The following TMEM87B variants were observed in gnomAD, a reference collection of about 807,000 sequenced individuals.
TMEM87B encodes the protein transmembrane protein 87B.
A neutral mutation model predicts 80.3 loss-of-function variants in TMEM87B; 83 were observed. That is an observed-to-expected ratio of 1.03 (90% confidence interval 0.87 to 1.24). The LOEUF (loss-of-function observed/expected upper bound fraction) is 1.24, where lower values mean the gene tolerates loss of function less well. Among genes scored for constraint, TMEM87B ranks in the 50% most tolerant of loss-of-function variants. The probability of loss-of-function intolerance (pLI) is 0.00; values close to 1 mark genes in which losing one functional copy is unlikely to be tolerated. For missense variants in TMEM87B, 625 were observed against 674.4 expected (o/e 0.93, Z 0.81); for synonymous variants, 219 against 230.5 (o/e 0.95, Z 0.45).
At chr2:112,097,493 G>A (rs1185505903) in intron 13 of TMEM87B, among the ~76,000 whole-genome samples, 6 of 152,010 alleles carry the variant, frequency 3.9e-5, no homozygotes, top group Non-Finnish European at 5.9e-5. Context: ...CTGGGAGGCC[G>A]AGGCAGGCGG....
At chr2:112,099,532 A>G (rs1426415457) in intron 14 of TMEM87B, among the ~76,000 whole-genome samples, 1 of 84,656 alleles carries the variant, frequency 1.2e-5, no homozygotes. Flanking sequence ...ATACATATAT[A>G]TATATATATA....
chr2:112,098,647 T>A lies in TMEM87B; in HGVS notation c.1325T>A (p.Leu442His). ...GCATTTTGGAGCTTCCTTTTTTCGC[T>A]TATCCTTATTGTAATCATGTTTTTG... ...DDAFWSFLFSLILIVIMFLWR... is the reference protein window; with the variant it reads ...DDAFWSFLFSHILIVIMFLWR... Residue 442 changes from leucine to histidine, a missense_variant, in exon 14 of 19, where the codon CTT becomes CAT. Physicochemically the swap from Leu to His is moderately conservative, Grantham distance 99 (BLOSUM62 -3). Coordinates refer to ENST00000283206, the MANE Select transcript of TMEM87B (RefSeq NM_032824.3). The A allele has an allele frequency of 1.2e-6, 2 of 1,614,166 alleles. No homozygotes were observed. The highest frequency in any genetic ancestry group is 1.7e-6 in the Non-Finnish European group (2 of 1,180,022).
intron 6 of TMEM87B, among the ~76,000 whole-genome samples, chr2:112,079,721 T>C (rs2104473809): frequency 6.6e-6 from 1 of 152,296 alleles, no homozygotes; most frequent in Middle Eastern, 3.4e-3. Flanking sequence ...AATTGACATT[T>C]TCACAAAGCA....
chr2:112,058,131 T>G (rs114441177), intron 1 of TMEM87B, among the ~76,000 whole-genome samples: 1,903 of 152,304 alleles, frequency 0.012, 47 homozygotes, highest in African/African-American at 0.044. Flanking sequence ...TCGGCCTCAG[T>G]CTTAAAAGAT....
At chr2:112,105,956 ATAT>A (rs754273095) in intron 15 of TMEM87B, 43 bp from the exon 16 acceptor site, 11 of 1,338,886 alleles carry the variant, frequency 8.2e-6, no homozygotes, top group Non-Finnish European at 1.1e-5. Flanking sequence ...CTAAAGGAAA[ATAT>A]TATTTTGTGA....
At chr2:112,064,921 T>C (rs12469847) in intron 3 of TMEM87B, among the ~76,000 whole-genome samples, 107,265 of 151,970 alleles carry the variant, frequency 0.71, 38,163 homozygotes, top group East Asian at 0.91. Flanking sequence ...TATGTATATA[T>C]CTATACATAT....
At chr2:112,094,781 A>G (rs1679407671) in intron 11 of TMEM87B, among the ~76,000 whole-genome samples, 2 of 152,224 alleles carry the variant, frequency 1.3e-5, no homozygotes, top group Admixed American at 1.3e-4. Context: ...TGGTGAGACA[A>G]AGGAAGTCTA....
intron 4 of TMEM87B, among the ~76,000 whole-genome samples, chr2:112,070,868 C>T (rs541392386): frequency 6.6e-6 from 1 of 150,476 alleles, no homozygotes; most frequent in African/African-American, 2.4e-5. Context: ...GTCACCCAGG[C>T]TGGAGTGTAG....
chr2:112,100,733 A>G (rs1241860775), intron 15 of TMEM87B, 38 bp downstream of exon 15: 3 of 1,302,130 alleles, frequency 2.3e-6, no homozygotes, highest in Admixed American at 1.8e-5. Context: ...ACCATTGTAC[A>G]TATTGCAACA....
chr2:112,091,196 C>T (rs111857316), intron 10 of TMEM87B, among the ~76,000 whole-genome samples: 1,780 of 151,228 alleles, frequency 0.012, 17 homozygotes, highest in Non-Finnish European at 0.019. Context: ...GCTGAGATTG[C>T]GCCATTGCAC....
intron 9 of TMEM87B, among the ~76,000 whole-genome samples, chr2:112,086,849 C>T (rs550388861): frequency 1.3e-5 from 2 of 152,232 alleles, no homozygotes; most frequent in East Asian, 3.9e-4. Flanking sequence ...ACCTCACCTC[C>T]CCACCTCTCC....
intron 8 of TMEM87B, among the ~76,000 whole-genome samples, chr2:112,084,197 A>G (rs1310051131): frequency 6.6e-6 from 1 of 152,126 alleles, no homozygotes; most frequent in East Asian, 1.9e-4. Flanking sequence ...TAGTCACATT[A>G]CCTCAAGAGG....
intron 18 of TMEM87B, among the ~76,000 whole-genome samples, chr2:112,115,808 A>G (rs921412312): frequency 6.6e-6 from 1 of 152,054 alleles, no homozygotes; most frequent in Admixed American, 6.6e-5. Flanking sequence ...TTTAATTTTT[A>G]AATTTTTTAT....
intron 16 of TMEM87B, 115 bp from the exon 17 acceptor site, chr2:112,107,673 A>G (rs1679808953): frequency 2.0e-6 from 1 of 496,062 alleles, no homozygotes; most frequent in African/African-American, 2.0e-5. Flanking sequence ...ATATGTAGAA[A>G]CTAAAAGAAT....
intron 4 of TMEM87B, among the ~76,000 whole-genome samples, chr2:112,067,628 G>A (rs1329754613): frequency 2.6e-5 from 4 of 152,130 alleles, no homozygotes; most frequent in Admixed American, 2.0e-4. Flanking sequence ...TGATACCATT[G>A]TTCCATTTCC....
At chr2:112,067,474 C>A (rs1029617250) in intron 4 of TMEM87B, among the ~76,000 whole-genome samples, 1 of 152,082 alleles carries the variant, frequency 6.6e-6, no homozygotes, top group Non-Finnish European at 1.5e-5. Context: ...TGGCATGTGC[C>A]CGTAGTCCCA....
At chr2:112,075,061 AG>A in intron 5 of TMEM87B, 99 bp downstream of exon 5, 1 of 1,450,852 alleles carries the variant, frequency 6.9e-7, no homozygotes, top group Admixed American at 2.7e-5. Flanking sequence ...GATATAAAGT[AG>A]GGTTATTAGA....
Position 112,068,654 on chromosome 2 carries a change from A to G in TMEM87B, c.450+1587A>G, listed in dbSNP as rs1292901994. Among the ~76,000 whole-genome samples the G allele has an allele frequency of 3.3e-5, 5 of 151,910 alleles. No individual in the cohort carries two copies. The East Asian group carries it at 7.8e-4, about 24-fold the overall frequency. On this transcript the variant is annotated intron_variant, in intron 4 of 18. Coordinates refer to ENST00000283206, the MANE Select transcript of TMEM87B (RefSeq NM_032824.3). ...GGGAGGTGGAGCTTGCAGTGAGCCG[A>G]GATCATGCCGCTGCACTCCAGCCTG... is the stretch of plus-strand genomic sequence containing the variant.
chr2:112,055,631 C>A lies in TMEM87B; in HGVS notation c.40C>A (p.Arg14Ser), dbSNP rs772333086. The A allele has an allele frequency of 3.9e-6, 6 of 1,547,058 alleles. No individual in the cohort carries two copies. The Admixed American group carries it at 7.7e-5, about 20-fold the overall frequency. The stretch of plus-strand genomic sequence containing the variant: ...CCGCTCGGTAGCCGGGCTCCTGCCA[C>A]GCCGCCGCCGCTGCTTTCCCGCCCG... Reference protein sequence around the residue: ...ACRSVAGLLPRRRRCFPARAP... With the variant: ...ACRSVAGLLPSRRRCFPARAP... Residue 14 changes from arginine (R) to serine (S), a missense_variant, in exon 1 of 19, where the codon CGC becomes AGC. Physicochemically the swap from Arg to Ser is moderately radical, Grantham distance 110 (BLOSUM62 -1). Transcript: ENST00000283206.
Sources: gnomAD v4.1 joint callset for allele counts (sites outside exome capture counted in the v4.1 genomes callset) on GRCh38, gnomAD v4.1.1 for gene constraint, MANE v1.5 for transcripts, NCBI Gene and HGNC (gene_info 2026-07-23, HGNC 2026-07-21) for gene names.